The following COL28A1 variants were observed in gnomAD, a reference collection of about 807,000 sequenced individuals.
COL28A1 encodes the protein collagen type XXVIII alpha 1 chain, also known as collagen alpha-1(XXVIII) chain.
A neutral mutation model predicts 150.2 loss-of-function variants in COL28A1; 161 were observed. The ratio of observed to expected loss-of-function variants is 1.07; its 90% CI spans 0.94 to 1.22. COL28A1 has a LOEUF of 1.22. Among genes scored for constraint, COL28A1 ranks in the 50% most tolerant of loss-of-function variants. COL28A1 has a pLI of 0.00. For synonymous variants in COL28A1, 552 were observed against 469.7 expected, an observed-to-expected ratio of 1.18 and a Z score of -2.26; for missense variants, 1,617 against 1,388.3, an observed-to-expected ratio of 1.16 and a Z score of -2.62.
At chr7:7,419,303 T>C (rs725933) in intron 26 of COL28A1, among the ~76,000 whole-genome samples, 33,738 of 152,026 alleles carry the variant, frequency 0.22, 5,412 homozygotes, top group African/African-American at 0.45. Flanking sequence ...CCAAAAAATG[T>C]CCCTAGACAT....
intron 15 of COL28A1, among the ~76,000 whole-genome samples, chr7:7,474,035 A>ACTATATATATACTATATACT (rs1788667125): frequency 7.0e-6 from 1 of 143,658 alleles, no homozygotes; most frequent in African/African-American, 2.7e-5. Context: ...ATGATGGAAT[A>ACTATATATATACTATATACT]CTATATATAT....
At chr7:7,347,471 C>T in the COL28A1 span, among the ~76,000 whole-genome samples, 1 of 152,108 alleles carries the variant, frequency 6.6e-6, no homozygotes, top group African/African-American at 2.4e-5. Flanking sequence ...AGTGTCCAAC[C>T]TAAGCAGTTC....
chr7:7,383,975 G>A (rs1782040464), intron 27 of COL28A1, among the ~76,000 whole-genome samples: 1 of 151,918 alleles, frequency 6.6e-6, no homozygotes, highest in Non-Finnish European at 1.5e-5. Context: ...GAACTAAAGG[G>A]CTCCATTTTT....
chr7:7,538,078 A>C (rs1186920114), upstream of COL28A1, among the ~76,000 whole-genome samples: 1 of 152,204 alleles, frequency 6.6e-6, no homozygotes, highest in African/African-American at 2.4e-5. Context: ...AGGGTAACTC[A>C]AACCAAAGAT....
intron 13 of COL28A1, among the ~76,000 whole-genome samples, chr7:7,477,959 A>G (rs1394746715): frequency 6.6e-6 from 1 of 151,922 alleles, no homozygotes; most frequent in African/African-American, 2.4e-5. Flanking sequence ...GCTAGACACC[A>G]AAGTTCTTCA....
chr7:7,506,807 A>G (rs1255164508), intron 10 of COL28A1, among the ~76,000 whole-genome samples: 2 of 152,214 alleles, frequency 1.3e-5, no homozygotes, highest in Admixed American at 1.3e-4. Context: ...TCCTGCTTTT[A>G]ACCACTTGAC....
At chr7:7,493,946 G>A (rs1189478130) in intron 11 of COL28A1, among the ~76,000 whole-genome samples, 1 of 152,044 alleles carries the variant, frequency 6.6e-6, no homozygotes, top group Non-Finnish European at 1.5e-5. Flanking sequence ...TTTGCCATCA[G>A]AGCCATTTAC....
chr7:7,375,517 A>C lies in COL28A1; in HGVS notation c.2323-20T>G. On this transcript the variant is annotated intron_variant, in intron 30 of 34. Coordinates refer to ENST00000399429, the MANE Select transcript of COL28A1 (RefSeq NM_001037763.3). ...TTCTTTCTAGGGGATAAAAAGAAAA[A>C]TGTATTACTATATGTATGACTATAA... 1.4e-6 allele frequency: 2 copies of C among 1,451,502 alleles called. No individual in the cohort carries two copies. Among genetic ancestry groups the C allele is most frequent in the Non-Finnish European group, 9.6e-7 (1 of 1,042,284 alleles). 89.9% of individuals were successfully genotyped at this position (1,451,502 alleles called of 1,614,324 possible).
the COL28A1 span, among the ~76,000 whole-genome samples, chr7:7,541,212 C>T: frequency 5.3e-5 from 8 of 152,040 alleles, no homozygotes; most frequent in African/African-American, 1.4e-4. Flanking sequence ...TTATATAGTT[C>T]CTCCTGCACA....
Position 7,453,446 on chromosome 7 carries a change from AC to A in COL28A1, c.1433del (p.Gly478ValfsTer6). On this transcript the variant is annotated frameshift_variant, in exon 17 of 35. Coordinates refer to ENST00000399429, the MANE Select transcript of COL28A1 (RefSeq NM_001037763.3). LOFTEE classifies it high-confidence loss of function. ...PQGPAGQGLP[G>X]SKGEVGQMGP... ...CTCTCATTTACAAAGTTACCTTGGA[AC>A]CAGGTAAGCCCTGTCCTGCGGGCCC... 1.7e-6 allele frequency: 2 copies of A among 1,206,348 alleles called. No homozygotes were observed. Among genetic ancestry groups the A allele is most frequent in the Non-Finnish European group, 2.5e-6 (2 of 807,736 alleles). 74.7% of individuals were successfully genotyped at this position (1,206,348 alleles called of 1,614,324 possible). A position where few individuals can be genotyped will look rare whatever the true frequency, so the allele number is the denominator to read the frequency against.
chr7:7,487,865 G>C (rs1369547572), intron 13 of COL28A1, among the ~76,000 whole-genome samples: 2 of 152,054 alleles, frequency 1.3e-5, no homozygotes, highest in Non-Finnish European at 2.9e-5. Context: ...CTGCCTATTG[G>C]AACACTCCTG....
intron 15 of COL28A1, among the ~76,000 whole-genome samples, chr7:7,462,328 AC>A (rs1562733515): frequency 1.3e-5 from 2 of 152,112 alleles, no homozygotes; most frequent in African/African-American, 4.8e-5. Flanking sequence ...GTTGTTTAAC[AC>A]CCCCAAAAAA....
At chr7:7,430,308 G>C (rs113754234) in intron 25 of COL28A1, among the ~76,000 whole-genome samples, 6,662 of 152,058 alleles carry the variant, frequency 0.044, 450 homozygotes, top group African/African-American at 0.14. Flanking sequence ...TGTATTTTTA[G>C]TAGAGACGGG....
At chr7:7,339,460 T>G in the COL28A1 span, among the ~76,000 whole-genome samples, 1 of 152,174 alleles carries the variant, frequency 6.6e-6, no homozygotes, top group Admixed American at 6.6e-5. Flanking sequence ...TCTCCTGTTT[T>G]GGCTTTCGTG....
chr7:7,388,767 C>CT (rs1286352400), intron 27 of COL28A1, among the ~76,000 whole-genome samples: 1 of 152,170 alleles, frequency 6.6e-6, no homozygotes, highest in African/African-American at 2.4e-5. Flanking sequence ...TGATGATGAG[C>CT]TTTTTTTCAC....
At chr7:7,341,417 T>A in the COL28A1 span, among the ~76,000 whole-genome samples, 5 of 152,098 alleles carry the variant, frequency 3.3e-5, no homozygotes, top group Non-Finnish European at 7.4e-5. Context: ...CTTTTTAAAT[T>A]TTTTAGAGAC....
intron 27 of COL28A1, among the ~76,000 whole-genome samples, chr7:7,411,296 C>G (rs910841975): frequency 6.6e-6 from 1 of 152,122 alleles, no homozygotes; most frequent in Admixed American, 6.6e-5. Context: ...TTATAACGTT[C>G]CACATTATGC....
At chr7:7,397,750 T>A (rs1404082688) in intron 27 of COL28A1, among the ~76,000 whole-genome samples, 1 of 152,192 alleles carries the variant, frequency 6.6e-6, no homozygotes, top group Non-Finnish European at 1.5e-5. Flanking sequence ...GTTTAAGACA[T>A]GTGGTAGCTA....
chr7:7,414,110 T>A (rs1020137981), intron 27 of COL28A1, among the ~76,000 whole-genome samples: 3 of 152,196 alleles, frequency 2.0e-5, no homozygotes, highest in African/African-American at 7.2e-5. Flanking sequence ...TCTGTCTCCG[T>A]GCTTTTTAAC....
Sources: gnomAD v4.1 joint callset for allele counts (sites outside exome capture counted in the v4.1 genomes callset) on GRCh38, gnomAD v4.1.1 for gene constraint, MANE v1.5 for transcripts, NCBI Gene and HGNC (gene_info 2026-07-23, HGNC 2026-07-21) for gene names.